The following AP4B1 variants were observed in gnomAD, a reference collection of about 807,000 sequenced individuals.
AP4B1 encodes adaptor related protein complex 4 subunit beta 1.
A neutral mutation model predicts 76.5 loss-of-function variants in AP4B1; 49 were observed. The ratio of observed to expected loss-of-function variants is 0.64; its 90% CI spans 0.51 to 0.81. The LOEUF (loss-of-function observed/expected upper bound fraction) is 0.81. AP4B1 is among the 40% of genes least tolerant of loss of function. The probability of loss-of-function intolerance (pLI) is 0.00; values close to 1 mark genes in which losing one functional copy is unlikely to be tolerated. For synonymous variants in AP4B1, 330 were observed against 333.3 expected, an observed-to-expected ratio of 0.99 and a Z score of 0.11; for missense variants, 911 against 904.9, an observed-to-expected ratio of 1.01 and a Z score of -0.09.
In AP4B1 at chr1:113,897,609, G is replaced by C. The variant is rs946313685; in HGVS notation, c.1302+231C>G. Reference sequence around the variant, plus strand: ...AAGCAAAGCAAAACAAAACAAAACAGAACTGTTCAAGAGAACAATGGTATC... The same window carrying C: ...AAGCAAAGCAAAACAAAACAAAACACAACTGTTCAAGAGAACAATGGTATC... On this transcript the variant is annotated intron_variant, in intron 7 of 9. Transcript: ENST00000369569. 10 of 571,132 alleles carry C rather than the reference G, an allele frequency of 1.8e-5. No homozygotes were observed. The Admixed American group carries it at 2.1e-4, about 12-fold the overall frequency. 35.4% of individuals were successfully genotyped at this position (571,132 alleles called of 1,614,324 possible).
chr1:113,894,848 C>A lies in AP4B1; in HGVS notation c.*217G>T. 2 of 548,804 alleles carry A rather than the reference C, an allele frequency of 3.6e-6. No homozygotes were observed. The highest frequency in any genetic ancestry group is 6.5e-6 in the Non-Finnish European group (2 of 309,010). The allele number at this position is 548,804 out of a possible 1,614,324, so 34.0% of individuals were successfully genotyped here. On this transcript the variant is annotated 3_prime_UTR_variant, in exon 10 of 10. Transcript: ENST00000369569. The stretch of plus-strand genomic sequence containing the variant: ...CAACGCATCTCCTTACCAACATTAA[C>A]CTCTACAACATCATCACTGAAAAAT...
chr1:113,899,948 G>T lies in AP4B1; in HGVS notation c.1070C>A (p.Thr357Lys), dbSNP rs377653395. The part of the protein sequence containing the change: ...QVLEELRGYC[T>K]DVSADFAQAA... ...CTGTGCAAAGTCCGCAGACACATCC[G>T]TGCAGTACCCTCGAAGCTCCTCTAG... The change falls in exon 5 of 10, where the codon ACG (threonine) becomes AAG (lysine). Residue 357 changes from threonine (T) to lysine (K), a missense_variant. Physicochemically the swap from Thr to Lys is moderately conservative, Grantham distance 78. Transcript: ENST00000369569. The T allele has an allele frequency of 1.2e-6, 2 of 1,614,032 alleles. No individual in the cohort carries two copies. Among genetic ancestry groups the T allele is most frequent in the Middle Eastern group, 1.6e-4 (1 of 6,084 alleles).
At chr1:113,904,246 C>G (rs1017546999) in intron 1 of AP4B1, among the ~76,000 whole-genome samples, 7 of 152,136 alleles carry the variant, frequency 4.6e-5, no homozygotes, top group Admixed American at 3.9e-4. Context: ...TTGAGGAAGA[C>G]GGAAGAATGT....
At chr1:113,899,673 C>T (rs1433889297) in intron 5 of AP4B1, among the ~76,000 whole-genome samples, 1 of 151,852 alleles carries the variant, frequency 6.6e-6, no homozygotes, top group Non-Finnish European at 1.5e-5. Context: ...TTTGTGTTAC[C>T]TGTATTCTCC....
At chr1:113,902,018 T>G in intron 2 of AP4B1, 133 bp from the exon 3 acceptor site, 1 of 1,206,540 alleles carries the variant, frequency 8.3e-7, no homozygotes. Context: ...AAAGCCTCTA[T>G]CAAGCTTAAA....
chr1:113,902,277 T>C lies in AP4B1; in HGVS notation c.338+361A>G, dbSNP rs1254854718. Among the ~76,000 whole-genome samples, 4 of 152,296 alleles carry C rather than the reference T, an allele frequency of 2.6e-5. No homozygotes were observed. In the South Asian group the frequency reaches 8.3e-4, roughly 32 times the overall value. On this transcript the variant is annotated intron_variant, in intron 2 of 9. Coordinates refer to ENST00000369569, the MANE Select transcript of AP4B1 (RefSeq NM_001253852.3). ...AATTCCTGGGCTCAAGCAATCTTCC[T>C]GTCTAAGCCTCCCAAAGTGCTGGGT...
rs774642516 is a variant in AP4B1 at position 113,902,858 on chromosome 1, T to C, written c.118A>G (p.Met40Val). ...CCAGACATGTCCAAGCCTTGAGTCA[T>C]GTACCTGAACAACGCACATGACAGA... ...RNVIQRVIRYMTQGLDMSGVF... is the reference protein window; with the variant it reads ...RNVIQRVIRYVTQGLDMSGVF... The change falls in exon 2 of 10, where the codon ATG becomes GTG. Residue 40 changes from methionine (M) to valine (V), a missense_variant. Transcript: ENST00000369569. The C allele has an allele frequency of 6.2e-7, 1 of 1,614,100 alleles. No individual in the cohort carries two copies. The highest frequency in any genetic ancestry group is 1.7e-5 in the Admixed American group (1 of 60,022).
At position 113,900,177 on chromosome 1, in the gene AP4B1, A is replaced by C; in HGVS notation, c.841T>G (p.Leu281Val). The C allele has an allele frequency of 6.2e-7, 1 of 1,614,220 alleles. No homozygotes were observed. Among genetic ancestry groups the C allele is most frequent in the Non-Finnish European group, 8.5e-7 (1 of 1,180,026 alleles). The change falls in exon 5 of 10, where the codon TTG (leucine) becomes GTG (valine). Residue 281 changes from leucine to valine, a missense_variant. Coordinates refer to ENST00000369569, the MANE Select transcript of AP4B1 (RefSeq NM_001253852.3). ...TDVLVRVKGPLLAACSSESRE... is the reference protein window; with the variant it reads ...TDVLVRVKGPVLAACSSESRE... ...CTCTCTGAAGAACAGGCAGCTAGCA[A>C]AGGTCCCTTGACCCGCACAAGGACA...
rs114201291 is a variant in AP4B1, at chr1:113,896,403, A to G, written c.1365T>C (p.Tyr455=). 30,657 of 1,614,204 alleles carry G rather than the reference A, an allele frequency of 0.019. 348 individuals carry two copies. Among genetic ancestry groups the G allele is most frequent in the Non-Finnish European group, 0.023 (26,848 of 1,180,034 alleles). ...CATTCTCAACAAAGTCCTCTAACAC[A>G]TAAGGAGCATTAGGAATTCTTTCCC... The part of the protein sequence containing the change: ...VHGERIPNAP[Y]VLEDFVENVK... The change falls in exon 8 of 10, where the codon TAT becomes TAC. Residue 455 remains tyrosine, a synonymous_variant. Coordinates refer to ENST00000369569, the MANE Select transcript of AP4B1 (RefSeq NM_001253852.3).
chr1:113,905,006 G>A, upstream of AP4B1: 1 of 438,924 alleles, frequency 2.3e-6, no homozygotes, highest in Admixed American at 3.5e-5. Flanking sequence ...TCCTCCGCCG[G>A]ATTTCCAGCG....
Position 113,901,383 on chromosome 1 carries a change from T to C in AP4B1, c.470A>G (p.Asp157Gly). Residue 157 changes from aspartate to glycine, a missense_variant and splice_region_variant, in exon 4 of 10, where the codon GAT becomes GGT. Transcript: ENST00000369569. ...GTATAATTCATTTACCAGGGCACCA[T>C]CTATAAAAAAGAACAAAGTTCTTAG... is the stretch of plus-strand genomic sequence containing the variant. ...MHNLHGDSEV[D>G]GALVNELYSL... is the part of the protein sequence containing the mutation. 3 of 1,613,922 alleles carry C rather than the reference T, an allele frequency of 1.9e-6. No individual in the cohort carries two copies. The highest frequency in any genetic ancestry group is 2.5e-6 in the Non-Finnish European group (3 of 1,179,872).
intron 5 of AP4B1, 65 bp from the exon 6 acceptor site, chr1:113,898,866 TCTCCCAC>T (rs1404302432): frequency 8.3e-7 from 1 of 1,207,038 alleles, no homozygotes; most frequent in Non-Finnish European, 1.2e-6. Context: ...TCTAAAATCA[TCTCCCAC>T]CAGTGAAAGA....
Position 113,902,666 on chromosome 1 carries a change from G to A in AP4B1, c.310C>T (p.Leu104=). The A allele has an allele frequency of 6.2e-7, 1 of 1,613,618 alleles. No homozygotes were observed. Among genetic ancestry groups the A allele is most frequent in the South Asian group, 1.1e-5 (1 of 91,034 alleles). The part of the protein sequence containing the change: ...CSDPNPMVRG[L]ALRSMCSLRM... ...AGGCTACACATGCTCCGTAACGCCA[G>A]CCCTCGCACCATTGGATTGGGGTCT... The change falls in exon 2 of 10, where the codon CTG becomes TTG. Residue 104 remains leucine, a synonymous_variant. Transcript: ENST00000369569.
intron 2 of AP4B1, among the ~76,000 whole-genome samples, chr1:113,902,283 A>G (rs1198743152): frequency 6.6e-6 from 1 of 152,186 alleles, no homozygotes; most frequent in Non-Finnish European, 1.5e-5. Flanking sequence ...TTCCTGTCTA[A>G]GCCTCCCAAA....
rs199879996 is a variant in AP4B1 at position 113,895,135 on chromosome 1, G to A, written c.2150C>T (p.Thr717Met). 3.6e-5 allele frequency: 58 copies of A among 1,614,078 alleles called. No homozygotes were observed. The highest frequency in any genetic ancestry group is 1.1e-4 in the East Asian group (5 of 44,884). ...QISVKQNEAR[T>M]ETLNSFISVL... The stretch of plus-strand genomic sequence containing the variant: ...AGAAATAAAACTATTCAGCGTCTCC[G>A]TTCTTGCTTCATTTTGTTTCACAGA... Residue 717 changes from threonine to methionine, a missense_variant, in exon 10 of 10, where the codon ACG (threonine) becomes ATG (methionine). By Grantham distance (81) the Thr-to-Met change is moderately conservative (BLOSUM62 -1). Transcript: ENST00000369569.
At chr1:113,898,299 G>C (rs1667743443) in intron 6 of AP4B1, among the ~76,000 whole-genome samples, 1 of 152,160 alleles carries the variant, frequency 6.6e-6, no homozygotes. Context: ...GAGGTGCCTA[G>C]GGTTCAAAAT....
At position 113,901,334 on chromosome 1, in the gene AP4B1, T is replaced by C. The variant is rs767564698; in HGVS notation, c.519A>G (p.Pro173=). Residue 173 remains proline, a synonymous_variant, in exon 4 of 10, where the codon CCA becomes CCG. Transcript: ENST00000369569. ...ACCTCAAGCAGTTCACAACTACAAT[T>C]GGATCCTGGTCACGCAGCAAACTGT... ...ELYSLLRDQD[P]IVVVNCLRSL... The C allele has an allele frequency of 6.2e-7, 1 of 1,614,102 alleles. No individual in the cohort carries two copies. The highest frequency in any genetic ancestry group is 1.1e-5 in the South Asian group (1 of 91,086).
At chr1:113,896,153 C>A in intron 8 of AP4B1, 105 bp downstream of exon 8, 2 of 1,594,028 alleles carry the variant, frequency 1.3e-6, no homozygotes, top group Non-Finnish European at 8.6e-7. Context: ...AGGAAGCATT[C>A]ACATTTTCTT....
rs376159444 is a variant in AP4B1 at position 113,900,274 on chromosome 1, G to A, written c.744C>T (p.Ser248=). ...NLLDSFLKSS[S]PGVVMGATKL... ...TGGTAGCTCCCATCACCACACCTGG[G>A]CTACTGCTCTTGAGGAAACTATCCA... is the stretch of plus-strand genomic sequence containing the variant. The change falls in exon 5 of 10, where the codon AGC becomes AGT. Residue 248 remains serine (S), a synonymous_variant. Transcript: ENST00000369569. The A allele has an allele frequency of 1.9e-6, 3 of 1,605,104 alleles. No homozygotes were observed. In the African/African-American group the frequency reaches 4.0e-5, roughly 22 times the overall value.
Sources: allele counts gnomAD v4.1 joint callset (sites outside exome capture counted in the v4.1 genomes callset), GRCh38; gene constraint gnomAD v4.1.1; transcripts MANE v1.5; gene names NCBI Gene and HGNC (gene_info 2026-07-23, HGNC 2026-07-21).